Variants in RASA3 observed in about 807,000 individuals in gnomAD.
RASA3 encodes RAS p21 protein activator 3.
In RASA3, 73 loss-of-function variants were observed where a neutral mutation model predicts 110.0. The ratio of observed to expected loss-of-function variants is 0.66; its 90% CI spans 0.55 to 0.81. The LOEUF is 0.81. Ranked by LOEUF, RASA3 falls within the 30% of genes least tolerant of loss-of-function variation. The probability of loss-of-function intolerance (pLI) is 0.00; values close to 1 mark genes in which losing one functional copy is unlikely to be tolerated. For missense variants in RASA3, 976 were observed against 1,113.2 expected (o/e 0.88, Z 1.75); for synonymous variants, 500 against 451.4 (o/e 1.11, Z -1.37).
Position 113,981,752 on chromosome 13 carries a change from G to A in RASA3, c.2352C>T (p.Ile784=), listed in dbSNP as rs773788806. The A allele has an allele frequency of 1.2e-5, 20 of 1,614,022 alleles. No individual in the cohort carries two copies. Among genetic ancestry groups the A allele is most frequent in the African/African-American group, 2.7e-5 (2 of 74,930 alleles). The part of the protein sequence containing the change: ...QETYKTLKQV[I]AGVGALEQEH... ...CCTGCTCCAAAGCCCCAACCCCAGC[G>A]ATGACTTGCTTTAGCGTCTTGTAGG... Residue 784 remains isoleucine, a synonymous_variant, in exon 23 of 24, where the codon ATC becomes ATT. Coordinates refer to ENST00000334062, the MANE Select transcript of RASA3 (RefSeq NM_007368.4).
rs549950725 is a variant in RASA3 at position 113,999,719 on chromosome 13, G to A, written c.1850-52C>T. On this transcript the variant is annotated intron_variant, in intron 19 of 23. Coordinates refer to ENST00000334062, the MANE Select transcript of RASA3 (RefSeq NM_007368.4). The stretch of plus-strand genomic sequence containing the variant: ...GTGCGGGCCCCGCTGTCCCGGCTGG[G>A]GTCCGGGTGGGGCTGAGGGGTCTCT... 17 of 1,524,266 alleles carry A rather than the reference G, an allele frequency of 1.1e-5. No homozygotes were observed. The South Asian group carries it at 1.8e-4, about 16-fold the overall frequency. 94.4% of individuals were successfully genotyped at this position (1,524,266 alleles called of 1,614,324 possible). A position where few individuals can be genotyped will look rare whatever the true frequency, so the allele number is the denominator to read the frequency against.
chr13:114,064,541 AG>A (rs1322623412), intron 2 of RASA3, among the ~76,000 whole-genome samples: 2 of 152,176 alleles, frequency 1.3e-5, no homozygotes, highest in African/African-American at 4.8e-5. Flanking sequence ...TTTCATCAGC[AG>A]GAAGGTTTGT....
rs2080263521 is a variant in RASA3, at chr13:114,115,415, G to A, written c.55+17020C>T. Among the ~76,000 whole-genome samples the A allele has an allele frequency of 6.6e-6, 1 of 152,176 alleles. No homozygotes were observed. The highest frequency in any genetic ancestry group is 1.5e-5 in the Non-Finnish European group (1 of 68,024). On this transcript the variant is annotated intron_variant, in intron 1 of 23. Coordinates refer to ENST00000334062, the MANE Select transcript of RASA3 (RefSeq NM_007368.4). The surrounding 1 kb of genome is among the most constrained non-coding windows in gnomAD (Gnocchi z 5.0). ...AAAACATAAGGCTTGGGTTAGTGTC[G>A]GGCACGCGGGGGAGGTGCCTGCCTG...
intron 1 of RASA3, among the ~76,000 whole-genome samples, chr13:114,092,612 C>G (rs2139713609): frequency 1.3e-5 from 2 of 152,202 alleles, no homozygotes. Context: ...GTTCCACTTG[C>G]CAATGAGAAT....
In RASA3 at chr13:113,996,692, G is replaced by T. The variant is rs771586756; in HGVS notation, c.1980C>A (p.Asn660Lys). The change falls in exon 21 of 24, where the codon AAC becomes AAA. Residue 660 changes from asparagine to lysine, a missense_variant. Physicochemically the swap from Asn to Lys is moderately conservative, Grantham distance 94 (BLOSUM62 0). Transcript: ENST00000334062. ...QPERALYIQA[N>K]NCVEAKDWID... ...TCCAGTCCTTGGCCTCCACGCAGTT[G>T]TTGGCCTGGATGTACAGCGCACGCT... The T allele has an allele frequency of 4.6e-5, 75 of 1,613,746 alleles. No homozygotes were observed. The Middle Eastern group carries it at 4.9e-4, about 11-fold the overall frequency.
At chr13:114,082,999 C>T (rs1013452695) in intron 1 of RASA3, among the ~76,000 whole-genome samples, 4 of 152,220 alleles carry the variant, frequency 2.6e-5, no homozygotes, top group East Asian at 1.9e-4. Flanking sequence ...ACAGAGGCAA[C>T]GCACCCTCTG....
In RASA3 at chr13:114,096,356, A is replaced by ACCCCCAGCCCCACCCCCAGC. The variant is rs1555342082; in HGVS notation, c.56-22520_56-22519insGCTGGGGGTGGGGCTGGGGG. Among the ~76,000 whole-genome samples the ACCCCCAGCCCCACCCCCAGC allele has an allele frequency of 6.6e-6, 1 of 152,132 alleles. No individual in the cohort carries two copies. On this transcript the variant is annotated intron_variant, in intron 1 of 23. Coordinates refer to ENST00000334062, the MANE Select transcript of RASA3 (RefSeq NM_007368.4). The surrounding 1 kb of genome is among the most constrained non-coding windows in gnomAD (Gnocchi z 5.1). ...CCTCTCTCACAGTCACCTCAACAGCATCTCAGCCGTTGTCCGACACTGGGT... is the reference window on the plus strand; with the variant it reads ...CCTCTCTCACAGTCACCTCAACAGCACCCCCAGCCCCACCCCCAGCTCTCAGCCGTTGTCCGACACTGGGT...
chr13:114,079,659 C>T (rs1196758505), intron 1 of RASA3, among the ~76,000 whole-genome samples: 5 of 152,240 alleles, frequency 3.3e-5, no homozygotes, highest in Admixed American at 3.3e-4. Context: ...CCTCCAGGCC[C>T]TGGCAGGGTC....
intron 3 of RASA3, among the ~76,000 whole-genome samples, chr13:114,042,326 G>A (rs1023623835): frequency 1.3e-5 from 2 of 152,244 alleles, no homozygotes; most frequent in South Asian, 4.1e-4. Flanking sequence ...GAGCACCCAC[G>A]GCAGCACATG....
intron 1 of RASA3, among the ~76,000 whole-genome samples, chr13:114,093,142 T>C (rs2079906522): frequency 6.6e-6 from 1 of 152,252 alleles, no homozygotes; most frequent in African/African-American, 2.4e-5. Flanking sequence ...TTACAAAAGA[T>C]AGAAGTGGTT....
In RASA3 at chr13:114,017,354, G is replaced by T. The variant is rs753422740; in HGVS notation, c.1092-3C>A. On this transcript the variant is annotated splice_polypyrimidine_tract_variant and splice_region_variant and intron_variant, in intron 11 of 23. Transcript: ENST00000334062. ...CTCGGAAGATGGTGTTGGGGTCCCT[G>T]GGAAATGGCGATGGGGACAGCGTTT... 2 of 1,611,470 alleles carry T rather than the reference G, an allele frequency of 1.2e-6. No homozygotes were observed. Among genetic ancestry groups the T allele is most frequent in the Non-Finnish European group, 1.7e-6 (2 of 1,177,904 alleles).
In RASA3 at chr13:114,013,850, C is replaced by A. The variant is rs186486051; in HGVS notation, c.1406-602G>T. On this transcript the variant is annotated intron_variant, in intron 14 of 23. Coordinates refer to ENST00000334062, the MANE Select transcript of RASA3 (RefSeq NM_007368.4). ...TCTCCGTCTGTCTCTCTCTCCATCT[C>A]TCTGTCTCTCTCCCTGTCTCTCTCC... 4.1e-5 allele frequency among the ~76,000 whole-genome samples: 3 copies of A among 72,340 alleles called. No individual in the cohort carries two copies. In the South Asian group the frequency reaches 1.5e-3, roughly 36 times the overall value. The allele number at this position is 72,340 out of a possible 152,430, so 47.5% of individuals were successfully genotyped here.
chr13:113,997,020 C>T (rs879820986), intron 20 of RASA3, among the ~76,000 whole-genome samples: 8 of 152,234 alleles, frequency 5.3e-5, no homozygotes, highest in Non-Finnish European at 1.0e-4. Context: ...AACAGCTTGG[C>T]CAAGGCCCTT....
chr13:114,113,043 G>A (rs2080238795), intron 1 of RASA3, among the ~76,000 whole-genome samples: 1 of 152,192 alleles, frequency 6.6e-6, no homozygotes, highest in Non-Finnish European at 1.5e-5. Flanking sequence ...GCCATGCACG[G>A]GAAGCCTTTC....
intron 23 of RASA3, among the ~76,000 whole-genome samples, chr13:113,979,647 C>G: frequency 6.6e-6 from 1 of 152,162 alleles, no homozygotes. Flanking sequence ...CACGTGTGCT[C>G]TCCCTGTGGC....
At chr13:114,066,061 C>T (rs12585115) in intron 2 of RASA3, among the ~76,000 whole-genome samples, 2,442 of 151,664 alleles carry the variant, frequency 0.016, 135 homozygotes, top group Admixed American at 0.1. Context: ...TCGCCAGGCA[C>T]GCCACACACC....
chr13:114,088,728 C>G (rs1489203838), intron 1 of RASA3, among the ~76,000 whole-genome samples: 2 of 152,054 alleles, frequency 1.3e-5, no homozygotes, highest in African/African-American at 2.4e-5. Context: ...TTTTGTATTT[C>G]TATTAGAGAC....
At position 114,042,882 on chromosome 13, in the gene RASA3, A is replaced by G. The variant is rs576241374; in HGVS notation, c.278-1788T>C. 5.3e-5 allele frequency among the ~76,000 whole-genome samples: 8 copies of G among 152,260 alleles called. 1 individual carries two copies. The South Asian group carries it at 1.7e-3, about 32-fold the overall frequency. On this transcript the variant is annotated intron_variant, in intron 3 of 23. Coordinates refer to ENST00000334062, the MANE Select transcript of RASA3 (RefSeq NM_007368.4). ...CTGCGGTGACCCTGGAGGAGCAGGT[A>G]CCACTCTGCACACCCCACAGACGAG...
At chr13:114,110,516 G>A (rs1566580903) in intron 1 of RASA3, among the ~76,000 whole-genome samples, 2 of 152,242 alleles carry the variant, frequency 1.3e-5, no homozygotes, top group Non-Finnish European at 2.9e-5. Context: ...ACACAGGACA[G>A]GTTCTGCGCA....
Sources: gnomAD v4.1 joint callset for allele counts (sites outside exome capture counted in the v4.1 genomes callset) on GRCh38, gnomAD v4.1.1 for gene constraint, Gnocchi (gnomAD v3.1) non-coding constraint, MANE v1.5 for transcripts, NCBI Gene and HGNC (gene_info 2026-07-23, HGNC 2026-07-21) for gene names.